The following GRID2 variants were observed in gnomAD, a reference collection of about 807,000 sequenced individuals.
GRID2 encodes the protein glutamate ionotropic receptor delta type subunit 2, also known as glutamate receptor ionotropic, delta-2.
A neutral mutation model predicts 114.8 loss-of-function variants in GRID2; 33 were observed. The ratio of observed to expected loss-of-function variants is 0.29; its 90% confidence interval spans 0.22 to 0.38. The LOEUF (loss-of-function observed/expected upper bound fraction) is 0.38, where lower values mean the gene tolerates loss of function less well. Among genes scored for constraint, GRID2 ranks in the 10% least tolerant of loss-of-function variants. The pLI is 1.00. For synonymous variants in GRID2, 505 were observed against 449.9 expected, an observed-to-expected ratio of 1.12 and a Z score of -1.55; for missense variants, 1,184 against 1,257.7, an observed-to-expected ratio of 0.94 and a Z score of 0.89.
At chr4:92,687,211 G>A (rs1346060463) in intron 2 of GRID2, among the ~76,000 whole-genome samples, 11 of 148,544 alleles carry the variant, frequency 7.4e-5, no homozygotes, top group African/African-American at 9.9e-5. Flanking sequence ...AAAGAGGCCC[G>A]TGTACTTGCA....
chr4:93,260,406 A>T (rs1579459745), intron 8 of GRID2, among the ~76,000 whole-genome samples: 1 of 14,206 alleles, frequency 7.0e-5, no homozygotes, highest in South Asian at 1.7e-3. Flanking sequence ...TATAAAAAAA[A>T]ATATTAAAAT....
At chr4:93,407,778 A>G (rs551026965) in intron 9 of GRID2, among the ~76,000 whole-genome samples, 7 of 58,686 alleles carry the variant, frequency 1.2e-4, no homozygotes, top group East Asian at 8.7e-4. Context: ...CCTCCTCCTC[A>G]TCCTCCTCGT....
chr4:92,474,361 G>T (rs901766939), intron 1 of GRID2, among the ~76,000 whole-genome samples: 6 of 151,962 alleles, frequency 3.9e-5, no homozygotes, highest in Non-Finnish European at 8.8e-5. Context: ...ACTTATATTT[G>T]ATGCTGAATA....
At chr4:92,553,384 A>G (rs898955178) in intron 1 of GRID2, among the ~76,000 whole-genome samples, 1 of 152,190 alleles carries the variant, frequency 6.6e-6, no homozygotes, top group African/African-American at 2.4e-5. Flanking sequence ...GTTGAACAGA[A>G]TATACCATGA....
intron 1 of GRID2, among the ~76,000 whole-genome samples, chr4:92,391,314 A>G (rs1417224813): frequency 6.6e-6 from 1 of 152,176 alleles, no homozygotes; most frequent in Non-Finnish European, 1.5e-5. Context: ...TGAACAATTG[A>G]TACGACTTCA....
intron 9 of GRID2, among the ~76,000 whole-genome samples, chr4:93,419,966 CAT>C (rs1768101121): frequency 6.6e-6 from 1 of 152,054 alleles, no homozygotes. Context: ...TAATTAAATT[CAT>C]AATTTTTTAA....
At position 93,364,821 on chromosome 4, in the gene GRID2, TTATAG is replaced by T. The variant is rs569883049; in HGVS notation, c.1246-30785_1246-30781del. Among the ~76,000 whole-genome samples, 340 of 152,232 alleles carry T rather than the reference TTATAG, an allele frequency of 2.2e-3. 1 individual carries two copies. Among genetic ancestry groups the T allele is most frequent in the Non-Finnish European group, 3.4e-3 (229 of 68,000 alleles). ...AAGGCCTTAGATTGCATTCCTGTCT[TTATAG>T]GTCATATTTCTCATTATTCTCTTCT... On this transcript the variant is annotated intron_variant, in intron 8 of 15. Coordinates refer to ENST00000282020, the MANE Select transcript of GRID2 (RefSeq NM_001510.4).
chr4:93,169,586 C>A (rs1375022817), intron 4 of GRID2, among the ~76,000 whole-genome samples: 1 of 152,122 alleles, frequency 6.6e-6, no homozygotes, highest in Non-Finnish European at 1.5e-5. Flanking sequence ...AAGGGCAAGC[C>A]TCTTTAAAAG....
intron 4 of GRID2, among the ~76,000 whole-genome samples, chr4:93,160,799 A>C (rs954134382): frequency 3.3e-5 from 5 of 151,802 alleles, no homozygotes; most frequent in African/African-American, 1.2e-4. Context: ...CAGTAGTATC[A>C]CTGTCACCTG....
rs151273629 is a variant in GRID2 at position 92,625,549 on chromosome 4, G to A, written c.244+35263G>A. Among the ~76,000 whole-genome samples, 401 of 151,808 alleles carry A rather than the reference G, an allele frequency of 2.6e-3. 3 individuals carry two copies. The highest frequency in any genetic ancestry group is 8.2e-3 in the African/African-American group (341 of 41,466). On this transcript the variant is annotated intron_variant, in intron 2 of 15. Coordinates refer to ENST00000282020, the MANE Select transcript of GRID2 (RefSeq NM_001510.4). ...GTAATACACAGTGGTTAGGGCACAG[G>A]CTTTATATCAAGAAAGCCTGCATTT...
chr4:93,141,530 A>C (rs2149386696), intron 4 of GRID2, among the ~76,000 whole-genome samples: 1 of 152,308 alleles, frequency 6.6e-6, no homozygotes, highest in South Asian at 2.1e-4. Flanking sequence ...TAGAAAACTA[A>C]GGTATACAGG....
chr4:93,771,576 AAC>A (rs767752999), intron 15 of GRID2, among the ~76,000 whole-genome samples: 6 of 152,224 alleles, frequency 3.9e-5, no homozygotes, highest in Non-Finnish European at 7.3e-5. Flanking sequence ...AACAGTCACT[AAC>A]ACTTCAGTAT....
At position 93,391,894 on chromosome 4, in the gene GRID2, A is replaced by G. The variant is rs543955150; in HGVS notation, c.1246-3713A>G. Among the ~76,000 whole-genome samples the G allele has an allele frequency of 9.8e-5, 15 of 152,306 alleles. No individual in the cohort carries two copies. The South Asian group carries it at 2.9e-3, about 29-fold the overall frequency. On this transcript the variant is annotated intron_variant, in intron 8 of 15. Coordinates refer to ENST00000282020, the MANE Select transcript of GRID2 (RefSeq NM_001510.4). ...GAATGTTACAAGATTATTATTGCCA[A>G]AGCTCCAATGAAGGAAATAATTAAA...
chr4:93,684,817 A>G (rs13135407), intron 14 of GRID2, among the ~76,000 whole-genome samples: 50,521 of 151,910 alleles, frequency 0.33, 9,201 homozygotes, highest in East Asian at 0.71. Context: ...TGGATTTTAC[A>G]TGAAGTACAC....
At chr4:93,620,166 T>G (rs918294593) in intron 13 of GRID2, among the ~76,000 whole-genome samples, 1 of 152,216 alleles carries the variant, frequency 6.6e-6, no homozygotes, top group Non-Finnish European at 1.5e-5. Context: ...TGAAACATGT[T>G]TGGTAAATGT....
At chr4:92,727,976 A>T (rs1736142917) in intron 2 of GRID2, among the ~76,000 whole-genome samples, 2 of 152,170 alleles carry the variant, frequency 1.3e-5, no homozygotes, top group South Asian at 4.1e-4. Flanking sequence ...CAAAGCATGC[A>T]GAAGTAGGGA....
chr4:92,422,549 G>T (rs1223889750), intron 1 of GRID2, among the ~76,000 whole-genome samples: 1 of 152,056 alleles, frequency 6.6e-6, no homozygotes, highest in Non-Finnish European at 1.5e-5. Flanking sequence ...AATTAGTTAG[G>T]TAGGAGATGA....
At chr4:92,790,202 A>C (rs1739516356) in intron 2 of GRID2, among the ~76,000 whole-genome samples, 1 of 151,828 alleles carries the variant, frequency 6.6e-6, no homozygotes, top group South Asian at 2.1e-4. Context: ...ATACTTATTT[A>C]TACAAATATA....
At position 92,590,245 on chromosome 4, in the gene GRID2, C is replaced by A; in HGVS notation, c.203C>A (p.Thr68Lys). 1 of 1,612,846 alleles carries A rather than the reference C, an allele frequency of 6.2e-7. No homozygotes were observed. Among genetic ancestry groups the A allele is most frequent in the East Asian group, 2.2e-5 (1 of 44,810 alleles). The change falls in exon 2 of 16, where the codon ACG (threonine) becomes AAG (lysine). Residue 68 changes from threonine (T) to lysine (K), a missense_variant. Transcript: ENST00000282020. The part of the protein sequence containing the change: ...LQTEKITFSV[T>K]FVDGNNPFQA... Reference sequence around the variant, plus strand: ...ACTGAGAAAATCACATTTTCAGTGACGTTTGTTGATGGCAACAACCCTTTC... The same window carrying A: ...ACTGAGAAAATCACATTTTCAGTGAAGTTTGTTGATGGCAACAACCCTTTC...
Sources: gnomAD v4.1 joint callset for allele counts (sites outside exome capture counted in the v4.1 genomes callset) on GRCh38, gnomAD v4.1.1 for gene constraint, MANE v1.5 for transcripts, NCBI Gene and HGNC (gene_info 2026-07-23, HGNC 2026-07-21) for gene names.